NPAS3: variants seen among roughly 807,000 people sequenced by gnomAD.
The protein encoded by NPAS3 is neuronal PAS domain-containing protein 3.
NPAS3 carries 14 observed loss-of-function variants against 73.1 expected under a neutral mutation model. The observed-to-expected ratio is 0.19, with a 90% CI of 0.13 to 0.30. The LOEUF (loss-of-function observed/expected upper bound fraction) is 0.30. NPAS3 is among the 10% of genes least tolerant of loss of function. NPAS3 has a pLI of 1.00. For synonymous variants in NPAS3, 620 were observed against 541.5 expected (o/e 1.14, Z -2.01); for missense variants, 1,096 against 1,250.0 (o/e 0.88, Z 1.86).
intron 5 of NPAS3, among the ~76,000 whole-genome samples, chr14:33,648,711 A>T (rs1468837396): frequency 6.6e-6 from 1 of 152,122 alleles, no homozygotes; most frequent in Non-Finnish European, 1.5e-5. Flanking sequence ...ATGTCCTCAC[A>T]TCTCTCCCCT....
chr14:33,294,445 T>C (rs987813309), intron 3 of NPAS3, among the ~76,000 whole-genome samples: 3 of 152,346 alleles, frequency 2.0e-5, no homozygotes, highest in East Asian at 1.9e-4. Context: ...TTTGGTCTTA[T>C]TGCTTTGTTA....
intron 3 of NPAS3, among the ~76,000 whole-genome samples, chr14:33,321,844 G>C (rs941507412): frequency 6.6e-6 from 1 of 152,128 alleles, no homozygotes; most frequent in African/African-American, 2.4e-5. Flanking sequence ...TAACTGGAAA[G>C]TTCTTAAGAC....
chr14:33,464,085 A>G (rs2050397010), intron 4 of NPAS3, among the ~76,000 whole-genome samples: 1 of 152,138 alleles, frequency 6.6e-6, no homozygotes, highest in African/African-American at 2.4e-5. Context: ...GTGCTCATTC[A>G]CACATGATAT....
chr14:33,680,142 A>G (rs1281220044), intron 6 of NPAS3, among the ~76,000 whole-genome samples: 1 of 152,106 alleles, frequency 6.6e-6, no homozygotes, highest in Non-Finnish European at 1.5e-5. Context: ...CCTTTTCATT[A>G]TTACTCTTAA....
chr14:33,046,091 C>T lies in NPAS3; in HGVS notation c.51-9814C>T, dbSNP rs770408526. On this transcript the variant is annotated intron_variant, in intron 1 of 11. Coordinates refer to ENST00000356141, the Ensembl canonical transcript of NPAS3. ...TTGGTGGTGGATGAAAGATAACACT[C>T]TTGTTTCTGATGCAGGTCAAGTAAA... Among the ~76,000 whole-genome samples, 31 of 152,186 alleles carry T rather than the reference C, an allele frequency of 2.0e-4. 1 individual carries two copies. The highest frequency in any genetic ancestry group is 4.0e-4 in the Non-Finnish European group (27 of 68,042).
intron 3 of NPAS3, among the ~76,000 whole-genome samples, chr14:33,293,431 C>G (rs1350823286): frequency 1.3e-5 from 2 of 152,106 alleles, no homozygotes; most frequent in Non-Finnish European, 2.9e-5. Flanking sequence ...AAGGAAGATA[C>G]TGTTAAAACA....
chr14:33,006,175 A>G (rs967908016), intron 1 of NPAS3, among the ~76,000 whole-genome samples: 3 of 152,164 alleles, frequency 2.0e-5, no homozygotes, highest in African/African-American at 7.2e-5. Flanking sequence ...ATTCCTAATC[A>G]GGACTCTCAA....
At chr14:32,938,867 TCCG>T (rs1288452237), upstream of NPAS3, among the ~76,000 whole-genome samples, 2 of 141,700 alleles carry the variant, frequency 1.4e-5, no homozygotes, top group Non-Finnish European at 3.1e-5. Flanking sequence ...CTCCTCCTCC[TCCG>T]CCGCCGCCGC....
chr14:33,475,434 T>G (rs1445576548), intron 4 of NPAS3, among the ~76,000 whole-genome samples: 1 of 152,014 alleles, frequency 6.6e-6, no homozygotes, highest in African/African-American at 2.4e-5. Flanking sequence ...TCATTTTAAC[T>G]TAGAGAACAT....
At chr14:33,301,220 C>G (rs2042517426) in intron 3 of NPAS3, among the ~76,000 whole-genome samples, 1 of 150,072 alleles carries the variant, frequency 6.7e-6, no homozygotes, top group South Asian at 2.1e-4. Flanking sequence ...TCTTCCATAT[C>G]CCCCTGACGC....
chr14:33,287,657 C>G (rs917735418), intron 3 of NPAS3, among the ~76,000 whole-genome samples: 1 of 152,204 alleles, frequency 6.6e-6, no homozygotes, highest in Non-Finnish European at 1.5e-5. Flanking sequence ...ATCTACATCA[C>G]GCTTTAAGTC....
chr14:33,435,420 A>C lies in NPAS3; in HGVS notation c.468+68152A>C, dbSNP rs796869335. On this transcript the variant is annotated intron_variant, in intron 4 of 11. Coordinates refer to ENST00000356141, the Ensembl canonical transcript of NPAS3. The stretch of plus-strand genomic sequence containing the variant: ...CAAGTGTTCTGGGATCATCCTGTAC[A>C]TAAAACCCAAGTTAAGAGTTCATAA... 1.1e-4 allele frequency among the ~76,000 whole-genome samples: 16 copies of C among 152,352 alleles called. 1 individual carries two copies. Among genetic ancestry groups the C allele is most frequent in the African/African-American group, 3.8e-4 (16 of 41,590 alleles).
intron 4 of NPAS3, among the ~76,000 whole-genome samples, chr14:33,400,070 A>G (rs1026069371): frequency 1.3e-5 from 2 of 152,168 alleles, no homozygotes; most frequent in Non-Finnish European, 2.9e-5. Context: ...TTTGAGGCTT[A>G]TCAGCCAAAA....
intron 2 of NPAS3, among the ~76,000 whole-genome samples, chr14:33,186,556 G>A (rs1204908154): frequency 6.6e-6 from 1 of 152,124 alleles, no homozygotes; most frequent in African/African-American, 2.4e-5. Flanking sequence ...GATAGCTCAA[G>A]TTCTGCCAGT....
At chr14:33,677,134 G>GGGGAAGATT (rs1454973029) in intron 6 of NPAS3, among the ~76,000 whole-genome samples, 1 of 152,112 alleles carries the variant, frequency 6.6e-6, no homozygotes, top group Non-Finnish European at 1.5e-5. Flanking sequence ...GTTCAAACAC[G>GGGGAAGATT]GGGAAGATTG....
chr14:33,590,820 C>T (rs180847048), intron 5 of NPAS3, among the ~76,000 whole-genome samples: 1 of 152,278 alleles, frequency 6.6e-6, no homozygotes, highest in Non-Finnish European at 1.5e-5. Flanking sequence ...ATATCATCCT[C>T]CATCTATTCA....
chr14:33,570,243 G>A (rs996118656), intron 5 of NPAS3, among the ~76,000 whole-genome samples: 1 of 152,186 alleles, frequency 6.6e-6, no homozygotes, highest in African/African-American at 2.4e-5. Context: ...CTCCTAGTAA[G>A]CACAGATCTC....
At chr14:33,088,399 C>A (rs370744204) in intron 2 of NPAS3, among the ~76,000 whole-genome samples, 39 of 152,362 alleles carry the variant, frequency 2.6e-4, no homozygotes, top group East Asian at 9.7e-4. Flanking sequence ...TATCCCGTGC[C>A]TGGCTCGGAG....
chr14:33,419,263 A>C (rs1342216833), intron 4 of NPAS3, among the ~76,000 whole-genome samples: 1 of 151,974 alleles, frequency 6.6e-6, no homozygotes, highest in Non-Finnish European at 1.5e-5. Context: ...AATAGCTAAC[A>C]TTAGAGAAGA....
Sources: gnomAD v4.1 joint callset for allele counts (sites outside exome capture counted in the v4.1 genomes callset) on GRCh38, gnomAD v4.1.1 for gene constraint, MANE v1.5 for transcripts, NCBI Gene and HGNC (gene_info 2026-07-23, HGNC 2026-07-21) for gene names.